The following HJURP variants were observed in gnomAD, a reference collection of about 807,000 sequenced individuals.
HJURP encodes 14-3-3-associated AKT substrate.
Under a neutral mutation model 72.0 loss-of-function variants are expected in HJURP, and 49 were observed. The ratio of observed to expected loss-of-function variants is 0.68; its 90% CI spans 0.54 to 0.86. The LOEUF (loss-of-function observed/expected upper bound fraction) is 0.86, where lower values mean the gene tolerates loss of function less well. Among genes scored for constraint, HJURP ranks in the 40% least tolerant of loss-of-function variants. The pLI, the probability that HJURP is intolerant of heterozygous loss-of-function variation, is 0.00. For synonymous variants in HJURP, 357 were observed against 347.1 expected (o/e 1.03, Z -0.32); for missense variants, 908 against 936.3 (o/e 0.97, Z 0.39).
At position 233,840,719 on chromosome 2, in the gene HJURP, TTCTGA is replaced by T; in HGVS notation, c.2056_2060del (p.Ser686ThrfsTer50). The T allele has an allele frequency of 1.2e-6, 2 of 1,613,934 alleles. No homozygotes were observed. The highest frequency in any genetic ancestry group is 1.7e-4 in the Middle Eastern group (1 of 6,060). ...TGCCCTGGCGTCCGGAGCCCTGGGGTTCTGATAGCCTGGGTCTTTTTGCAGGGAAC... is the reference window on the plus strand; with the variant it reads ...TGCCCTGGCGTCCGGAGCCCTGGGGTTAGCCTGGGTCTTTTTGCAGGGAAC... On this transcript the variant is annotated frameshift_variant, in exon 8 of 9. Transcript: ENST00000411486. LOFTEE classifies it high-confidence loss of function.
intron 4 of HJURP, among the ~76,000 whole-genome samples, chr2:233,847,915 G>C (rs921323531): frequency 1.3e-5 from 2 of 152,206 alleles, no homozygotes; most frequent in Non-Finnish European, 2.9e-5. Flanking sequence ...CATCCAGAGA[G>C]GGCTGGTGGG....
rs752273288 is a variant in HJURP at position 233,842,140 on chromosome 2, C to T, written c.640G>A (p.Glu214Lys). 3 of 1,614,010 alleles carry T rather than the reference C, an allele frequency of 1.9e-6. No homozygotes were observed. Among genetic ancestry groups the T allele is most frequent in the African/African-American group, 1.3e-5 (1 of 75,052 alleles). ...GAGGAAGGATGCAAAGGATCCCATTCTCTGGGAGATGAAGCTGGTTTCGCT... is the reference window on the plus strand; with the variant it reads ...GAGGAAGGATGCAAAGGATCCCATTTTCTGGGAGATGAAGCTGGTTTCGCT... ...DPAKPASSPR[E>K]WDPLHPSSTD... The change falls in exon 8 of 9, where the codon GAA becomes AAA. Residue 214 changes from glutamate to lysine, a missense_variant. This residue lies in a region of HJURP where 299 missense variants were observed against 286.7 expected (regional missense o/e 1.04). Transcript: ENST00000411486.
chr2:233,854,370 G>C lies in HJURP; in HGVS notation c.117+14C>G. ...CGCAGGCCTCCCCTCCCGGCGGACC[G>C]GCGGGGGCCGCACCTTCTCTATCAG... On this transcript the variant is annotated intron_variant, in intron 1 of 8. Coordinates refer to ENST00000411486, the MANE Select transcript of HJURP (RefSeq NM_018410.5). 1 of 1,560,306 alleles carries C rather than the reference G, an allele frequency of 6.4e-7. No individual in the cohort carries two copies. The highest frequency in any genetic ancestry group is 8.7e-7 in the Non-Finnish European group (1 of 1,151,830).
chr2:233,843,184 C>G (rs956237171), intron 7 of HJURP, among the ~76,000 whole-genome samples: 3 of 152,148 alleles, frequency 2.0e-5, no homozygotes, highest in African/African-American at 7.2e-5. Context: ...ATAATGCCAA[C>G]TGACGTGTGC....
intron 2 of HJURP, 88 bp downstream of exon 2, chr2:233,853,756 T>C: frequency 3.6e-6 from 4 of 1,096,140 alleles, no homozygotes; most frequent in Non-Finnish European, 5.4e-6. Context: ...GTGAACAATG[T>C]TTACTTCTTA....
intron 4 of HJURP, among the ~76,000 whole-genome samples, chr2:233,848,330 G>A (rs1705417738): frequency 1.3e-5 from 2 of 152,190 alleles, no homozygotes; most frequent in Admixed American, 6.5e-5. Context: ...GCTTCCCGGG[G>A]GCAGCAAGGA....
At chr2:233,845,952 C>T in intron 5 of HJURP, 132 bp from the exon 6 acceptor site, 1 of 612,120 alleles carries the variant, frequency 1.6e-6, no homozygotes, top group Non-Finnish European at 2.9e-6. Flanking sequence ...ACTTTCACCT[C>T]CATGATGTTA....
At chr2:233,852,490 C>T in intron 3 of HJURP, 75 bp downstream of exon 3, 1 of 1,085,994 alleles carries the variant, frequency 9.2e-7, no homozygotes, top group Non-Finnish European at 1.4e-6. Context: ...AGAGGTTGGG[C>T]ATACCCACAC....
intron 8 of HJURP, among the ~76,000 whole-genome samples, chr2:233,838,556 T>A (rs1705138306): frequency 6.6e-6 from 1 of 151,784 alleles, no homozygotes; most frequent in Admixed American, 6.6e-5. Context: ...AGGGGCAGGA[T>A]GATGGTAAAA....
Position 233,846,077 on chromosome 2 carries a change from G to A in HJURP, c.403-257C>T. The A allele has an allele frequency of 2.6e-5, 9 of 351,276 alleles. No individual in the cohort carries two copies. The highest frequency in any genetic ancestry group is 8.0e-4 in the Middle Eastern group (1 of 1,246). The allele number at this position is 351,276 out of a possible 1,614,324, so 21.8% of individuals were successfully genotyped here. On this transcript the variant is annotated intron_variant, in intron 5 of 8. Transcript: ENST00000411486. This position sits in a 1 kb window ranked among gnomAD's most constrained non-coding sequence, Gnocchi z 4.3. ...GTTTATGACAGCATTGCTAGACCAG[G>A]AAAAAAAAAATCTGAATATTCATAG...
At chr2:233,845,155 G>T (rs894007100) in intron 6 of HJURP, among the ~76,000 whole-genome samples, 7 of 151,590 alleles carry the variant, frequency 4.6e-5, no homozygotes, top group Non-Finnish European at 8.8e-5. Context: ...GGCCCCAATA[G>T]ATTTTTTTTT....
Position 233,841,340 on chromosome 2 carries a change from T to C in HJURP, c.1440A>G (p.Leu480=), listed in dbSNP as rs1705221936. The change falls in exon 8 of 9, where the codon TTA becomes TTG. Residue 480 remains leucine (L), a synonymous_variant. Transcript: ENST00000411486. ...AAGGTAAACTCAGCCTGCGGGTTTC[T>C]AAGCCCTGAAGGCCACCAGGACTCG... ...GPASPGGLQG[L]ETRRLSLPSS... 1 of 1,614,190 alleles carries C rather than the reference T, an allele frequency of 6.2e-7. No homozygotes were observed. The highest frequency in any genetic ancestry group is 1.1e-5 in the South Asian group (1 of 91,078).
rs1445230049 is a variant in HJURP at position 233,844,195 on chromosome 2, T to C, written c.574+10A>G. 6.2e-7 allele frequency: 1 copy of C among 1,612,886 alleles called. No homozygotes were observed. The highest frequency in any genetic ancestry group is 1.7e-5 in the Admixed American group (1 of 60,026). ...ACGCACTGTTCATACAGTTTCTATGTCACACTCACCGGGGGCAGGCACGGC... is the reference window on the plus strand; with the variant it reads ...ACGCACTGTTCATACAGTTTCTATGCCACACTCACCGGGGGCAGGCACGGC... On this transcript the variant is annotated intron_variant, in intron 7 of 8. Coordinates refer to ENST00000411486, the MANE Select transcript of HJURP (RefSeq NM_018410.5).
At chr2:233,838,324 G>A (rs533267941) in intron 8 of HJURP, among the ~76,000 whole-genome samples, 2 of 152,286 alleles carry the variant, frequency 1.3e-5, no homozygotes, top group South Asian at 2.1e-4. Flanking sequence ...CCTCAGGATG[G>A]TCCCACAATA....
rs748740101 is a variant in HJURP at position 233,841,214 on chromosome 2, T to G, written c.1566A>C (p.Ser522=). The part of the protein sequence containing the change: ...GRCLPKSDSS[S]SLPKTNPTHS... The stretch of plus-strand genomic sequence containing the variant: ...GTGTGGGGTTGGTCTTTGGAAGTGA[T>G]GAAGATGAATCGCTCTTGGGCAGGC... Residue 522 remains serine (S), a synonymous_variant, in exon 8 of 9, where the codon TCA becomes TCC. Transcript: ENST00000411486. The G allele has an allele frequency of 1.7e-5, 27 of 1,614,066 alleles. No homozygotes were observed. The highest frequency in any genetic ancestry group is 2.3e-5 in the Non-Finnish European group (27 of 1,180,042).
rs1191502952 is a variant in HJURP, at chr2:233,854,485, G to T, written c.16C>A (p.Arg6Ser). The change falls in exon 1 of 9, where the codon CGC becomes AGC. Residue 6 changes from arginine (R) to serine (S), a missense_variant. Coordinates refer to ENST00000411486, the MANE Select transcript of HJURP (RefSeq NM_018410.5). Reference protein sequence around the residue: MLGTLRAMEGEDVEDD... With the variant: MLGTLSAMEGEDVEDD... ...TCCACGTCCTCGCCCTCCATGGCGCGCAGCGTACCCAGCATCGGACCCAGC... is the reference window on the plus strand; with the variant it reads ...TCCACGTCCTCGCCCTCCATGGCGCTCAGCGTACCCAGCATCGGACCCAGC... 8.7e-6 allele frequency: 14 copies of T among 1,611,394 alleles called. No homozygotes were observed. The highest frequency in any genetic ancestry group is 1.1e-5 in the Non-Finnish European group (13 of 1,178,818).
At chr2:233,849,634 A>C (rs1705450878) in intron 4 of HJURP, 129 bp downstream of exon 4, 1 of 614,382 alleles carries the variant, frequency 1.6e-6, no homozygotes, top group Non-Finnish European at 2.9e-6. Flanking sequence ...ACATGATTTT[A>C]GTTTTTAAGA....
intron 7 of HJURP, 115 bp downstream of exon 7, chr2:233,844,090 G>T: frequency 1.4e-6 from 1 of 733,118 alleles, no homozygotes; most frequent in Non-Finnish European, 2.4e-6. Context: ...TTATGTTGAT[G>T]AAACACACCA....
chr2:233,852,448 A>G (rs1705516393), intron 3 of HJURP, 117 bp downstream of exon 3: 1 of 692,556 alleles, frequency 1.4e-6, no homozygotes, highest in Non-Finnish European at 2.6e-6. Context: ...ATCATGAGAA[A>G]AAGTGCCCCG....
Sources: gnomAD v4.1 joint callset for allele counts (sites outside exome capture counted in the v4.1 genomes callset) on GRCh38, gnomAD v4.1.1 for gene constraint, gnomAD v4.1.1 regional missense constraint, Gnocchi (gnomAD v3.1) non-coding constraint, MANE v1.5 for transcripts, NCBI Gene and HGNC (gene_info 2026-07-23, HGNC 2026-07-21) for gene names.